RALYL: variants seen among roughly 807,000 people sequenced by gnomAD.
The protein encoded by RALYL is RALY RNA binding protein like.
RALYL carries 29 observed loss-of-function variants against 35.1 expected under a neutral mutation model. The observed-to-expected ratio is 0.83, with a 90% CI of 0.61 to 1.13. The LOEUF is 1.13. Among genes scored for constraint, RALYL ranks in the 50% most tolerant of loss-of-function variants. RALYL has a pLI of 0.00. For missense variants in RALYL, 359 were observed against 360.4 expected, an observed-to-expected ratio of 1.00 and a Z score of 0.03; for synonymous variants, 120 against 127.6, an observed-to-expected ratio of 0.94 and a Z score of 0.40.
intron 2 of RALYL, among the ~76,000 whole-genome samples, chr8:84,682,491 G>C (rs113455052): frequency 0.052 from 7,950 of 152,156 alleles, 464 homozygotes; most frequent in African/African-American, 0.14. Context: ...TGGTTGGTAG[G>C]CTATTAATTA....
intron 1 of RALYL, among the ~76,000 whole-genome samples, chr8:84,203,281 C>CTT (rs113391957): frequency 2.1e-5 from 3 of 144,516 alleles, no homozygotes; most frequent in African/African-American, 7.5e-5. Context: ...TTCTTTCTTT[C>CTT]TTTTTTTTTT....
At chr8:84,579,479 G>T (rs568050840) in intron 2 of RALYL, among the ~76,000 whole-genome samples, 2 of 152,190 alleles carry the variant, frequency 1.3e-5, no homozygotes, top group African/African-American at 2.4e-5. Context: ...CCTGTTCATG[G>T]CACTTGCTGA....
chr8:84,661,593 G>GT (rs555604416), intron 2 of RALYL, among the ~76,000 whole-genome samples: 133 of 142,468 alleles, frequency 9.3e-4, no homozygotes, highest in South Asian at 1.3e-3. Flanking sequence ...TTTTGACATA[G>GT]TTTTTTTTTT....
chr8:84,280,826 A>C (rs1045519205), intron 1 of RALYL, among the ~76,000 whole-genome samples: 1 of 151,706 alleles, frequency 6.6e-6, no homozygotes, highest in Non-Finnish European at 1.5e-5. Context: ...CCCACCCATT[A>C]ATGATTAGTC....
chr8:84,829,963 AG>A (rs1318495727), intron 4 of RALYL, among the ~76,000 whole-genome samples: 1 of 146,948 alleles, frequency 6.8e-6, no homozygotes, highest in African/African-American at 2.5e-5. Flanking sequence ...GCTCATCTAA[AG>A]AAGCTCACAT....
intron 1 of RALYL, among the ~76,000 whole-genome samples, chr8:84,325,633 A>T (rs1845659638): frequency 1.3e-5 from 2 of 152,186 alleles, no homozygotes; most frequent in Admixed American, 1.3e-4. Flanking sequence ...CCTCCTGTAT[A>T]TTCTTTATTT....
At chr8:84,504,951 A>G (rs938806060) in intron 1 of RALYL, among the ~76,000 whole-genome samples, 1 of 152,142 alleles carries the variant, frequency 6.6e-6, no homozygotes, top group African/African-American at 2.4e-5. Context: ...TATTTTTCTC[A>G]ACATGTAAGT....
At chr8:84,679,671 A>G in intron 2 of RALYL, 1 of 501,712 alleles carries the variant, frequency 2.0e-6, no homozygotes, top group South Asian at 1.5e-5. Flanking sequence ...GTACAGAGAA[A>G]AATGTGAGAA....
At chr8:84,639,773 A>T (rs1182007967) in intron 2 of RALYL, among the ~76,000 whole-genome samples, 1 of 151,980 alleles carries the variant, frequency 6.6e-6, no homozygotes, top group East Asian at 1.9e-4. Flanking sequence ...AAAGAATTAA[A>T]GCCAATTAAA....
At chr8:84,800,718 C>T (rs1823045060) in intron 3 of RALYL, among the ~76,000 whole-genome samples, 1 of 152,172 alleles carries the variant, frequency 6.6e-6, no homozygotes, top group African/African-American at 2.4e-5. Context: ...AGGCATATCA[C>T]AATGTAATGA....
chr8:84,260,439 C>T (rs570067653), intron 1 of RALYL, among the ~76,000 whole-genome samples: 2 of 152,182 alleles, frequency 1.3e-5, no homozygotes, highest in East Asian at 3.9e-4. Flanking sequence ...CCCCTTAGTT[C>T]TCCTCTATGT....
Position 84,589,166 on chromosome 8 carries a change from G to A in RALYL, c.256+59589G>A, listed in dbSNP as rs182053053. ...GCCCGCCTCGGCCTCCCAAAGCGCC[G>A]GGATTACAGGTGTGAGCCACCACGC... On this transcript the variant is annotated intron_variant, in intron 2 of 8. Transcript: ENST00000521268. Among the ~76,000 whole-genome samples the A allele has an allele frequency of 2.7e-3, 411 of 152,294 alleles. 6 individuals are homozygous for A. Among genetic ancestry groups the A allele is most frequent in the South Asian group, 4.6e-3 (22 of 4,820 alleles).
chr8:84,859,971 A>T lies in RALYL; in HGVS notation c.414-2325A>T, dbSNP rs184577619. Among the ~76,000 whole-genome samples, 225 of 152,304 alleles carry T rather than the reference A, an allele frequency of 1.5e-3. 1 individual carries two copies. The highest frequency in any genetic ancestry group is 5.0e-3 in the African/African-American group (206 of 41,562). ...AGGAAAGTTGTTTAGTAAAGTACTA[A>T]GTATATTACTAAAATGTATGCCCCA... is the stretch of plus-strand genomic sequence containing the variant. On this transcript the variant is annotated intron_variant, in intron 5 of 8. Transcript: ENST00000521268.
chr8:84,876,048 C>G (rs1290464502), intron 7 of RALYL, among the ~76,000 whole-genome samples: 4 of 152,080 alleles, frequency 2.6e-5, no homozygotes, highest in Non-Finnish European at 4.4e-5. Context: ...TGGAAGCGAA[C>G]TCCTAAGCTC....
At chr8:84,807,019 A>C (rs1205261961) in intron 4 of RALYL, among the ~76,000 whole-genome samples, 1 of 152,122 alleles carries the variant, frequency 6.6e-6, no homozygotes, top group Non-Finnish European at 1.5e-5. Context: ...TCAAAAAAAT[A>C]AAAGCATGTA....
At chr8:84,326,873 A>G (rs73291391) in intron 1 of RALYL, among the ~76,000 whole-genome samples, 7,215 of 152,216 alleles carry the variant, frequency 0.047, 267 homozygotes, top group African/African-American at 0.083. Context: ...AGCAAATCAG[A>G]TTTTAAATGT....
At chr8:84,814,278 G>A (rs1826641777) in intron 4 of RALYL, among the ~76,000 whole-genome samples, 2 of 152,090 alleles carry the variant, frequency 1.3e-5, no homozygotes, top group South Asian at 2.1e-4. Context: ...TTTATAGGCA[G>A]TGCTTTGAGT....
chr8:84,515,625 CAT>C (rs2057999278), intron 1 of RALYL, among the ~76,000 whole-genome samples: 2 of 152,106 alleles, frequency 1.3e-5, no homozygotes, highest in African/African-American at 4.8e-5. Flanking sequence ...ATTTAATTTA[CAT>C]AGTCTCTTCT....
intron 2 of RALYL, among the ~76,000 whole-genome samples, chr8:84,749,403 G>A (rs977478069): frequency 7.9e-5 from 12 of 152,078 alleles, no homozygotes; most frequent in Admixed American, 2.0e-4. Context: ...TTTGAGTCTA[G>A]TATTCATTTG....
Sources: allele counts gnomAD v4.1 joint callset (sites outside exome capture counted in the v4.1 genomes callset), GRCh38; gene constraint gnomAD v4.1.1; transcripts MANE v1.5; gene names NCBI Gene and HGNC (gene_info 2026-07-23, HGNC 2026-07-21).